Variants in ATXN2 observed in about 807,000 individuals in gnomAD.
ATXN2 encodes the protein ataxin-2.
Under a neutral mutation model 138.6 loss-of-function variants are expected in ATXN2, and 37 were observed. The observed-to-expected ratio is 0.27, with a 90% confidence interval of 0.21 to 0.35. The LOEUF (loss-of-function observed/expected upper bound fraction) is 0.35, where lower values mean the gene tolerates loss of function less well. Ranked by LOEUF, ATXN2 falls within the 10% of genes least tolerant of loss-of-function variation. The pLI is 1.00. For synonymous variants in ATXN2, 549 were observed against 543.7 expected, an observed-to-expected ratio of 1.01 and a Z score of -0.13; for missense variants, 1,216 against 1,480.3, an observed-to-expected ratio of 0.82 and a Z score of 2.93.
chr12:111,520,371 G>A (rs537002737), intron 7 of ATXN2, among the ~76,000 whole-genome samples: 34 of 152,068 alleles, frequency 2.2e-4, no homozygotes, highest in Non-Finnish European at 4.4e-4. Flanking sequence ...AGACAAAACC[G>A]GCCAGGCACA....
intron 1 of ATXN2, among the ~76,000 whole-genome samples, chr12:111,557,954 T>C (rs1882475562): frequency 6.6e-6 from 1 of 152,296 alleles, no homozygotes; most frequent in South Asian, 2.1e-4. Flanking sequence ...ATGGCCTCCC[T>C]ACAAAGCTAT....
chr12:111,565,994 T>A (rs1264418655), intron 1 of ATXN2, among the ~76,000 whole-genome samples: 11 of 135,724 alleles, frequency 8.1e-5, no homozygotes, highest in African/African-American at 2.6e-4. Context: ...AGATTCTGTC[T>A]CAAAAAAAAA....
chr12:111,560,743 C>G (rs929187642), intron 1 of ATXN2, among the ~76,000 whole-genome samples: 4 of 149,220 alleles, frequency 2.7e-5, no homozygotes, highest in African/African-American at 9.8e-5. Context: ...TTAAAATGTC[C>G]AGTTTTCAAC....
At chr12:111,541,788 T>C (rs1276581521) in intron 5 of ATXN2, among the ~76,000 whole-genome samples, 3 of 147,918 alleles carry the variant, frequency 2.0e-5, no homozygotes, top group Non-Finnish European at 4.5e-5. Flanking sequence ...TATATATATA[T>C]ATATTATAAA....
chr12:111,597,034 A>G, intron 1 of ATXN2, among the ~76,000 whole-genome samples: 1 of 151,874 alleles, frequency 6.6e-6, no homozygotes, highest in South Asian at 2.1e-4. Flanking sequence ...AAATTTTTTC[A>G]TTTTTCGCTA....
At chr12:111,538,089 C>G (rs557488835) in intron 5 of ATXN2, among the ~76,000 whole-genome samples, 2 of 151,432 alleles carry the variant, frequency 1.3e-5, no homozygotes, top group Admixed American at 1.3e-4. Flanking sequence ...AAATGAGACC[C>G]TGTCTCAAAA....
chr12:111,535,640 A>G (rs1302301618), intron 5 of ATXN2, among the ~76,000 whole-genome samples: 1 of 151,864 alleles, frequency 6.6e-6, no homozygotes, highest in Non-Finnish European at 1.5e-5. Context: ...ACAAAAAAAG[A>G]AGGCACAAAG....
Position 111,598,832 on chromosome 12 carries a change from G to T in ATXN2, c.203C>A (p.Ser68Tyr). 6.8e-7 allele frequency: 1 copy of T among 1,462,912 alleles called. No individual in the cohort carries two copies. Among genetic ancestry groups the T allele is most frequent in the East Asian group, 3.0e-5 (1 of 33,192 alleles). The allele number at this position is 1,462,912 out of a possible 1,614,324, so 90.6% of individuals were successfully genotyped here. A position where few individuals can be genotyped will look rare whatever the true frequency, so the allele number is the denominator to read the frequency against. The change falls in exon 1 of 25, where the codon TCC becomes TAC. Residue 68 changes from serine (S) to tyrosine (Y), a missense_variant. By Grantham distance (144) the Ser-to-Tyr change is moderately radical. Transcript: ENST00000673436. This position sits in a 1 kb window ranked among gnomAD's most constrained non-coding sequence, Gnocchi z 4.5. ...GCCGGAGGTCGCCGCGACCACCGAG[G>T]AGGGAGCCGTGGCCGAGGACGAGGA... Reference protein sequence around the residue: ...SVSSSSATAPSSVVAATSGGG... With the variant: ...SVSSSSATAPYSVVAATSGGG...
intron 1 of ATXN2, among the ~76,000 whole-genome samples, chr12:111,576,402 G>A (rs775833833): frequency 2.6e-5 from 4 of 152,100 alleles, no homozygotes; most frequent in South Asian, 2.1e-4. Context: ...GCCACTGCAC[G>A]CCACTGTACT....
chr12:111,539,711 T>C (rs894701634), intron 5 of ATXN2, among the ~76,000 whole-genome samples: 5 of 149,672 alleles, frequency 3.3e-5, no homozygotes, highest in African/African-American at 1.2e-4. Flanking sequence ...ATCGCGCTAC[T>C]GCACTCCAGC....
intron 21 of ATXN2, among the ~76,000 whole-genome samples, chr12:111,459,233 G>C (rs1308120751): frequency 1.3e-5 from 2 of 152,176 alleles, no homozygotes; most frequent in Non-Finnish European, 2.9e-5. Flanking sequence ...AAGCCTTCCT[G>C]AGCTTCACAG....
intron 1 of ATXN2, among the ~76,000 whole-genome samples, chr12:111,567,233 G>A (rs941296389): frequency 2.0e-5 from 3 of 152,146 alleles, no homozygotes; most frequent in Non-Finnish European, 4.4e-5. Flanking sequence ...CGGGCGTGGT[G>A]GCTCACACTT....
intron 18 of ATXN2, among the ~76,000 whole-genome samples, chr12:111,473,844 C>T (rs548761233): frequency 1.3e-4 from 19 of 151,328 alleles, no homozygotes; most frequent in Non-Finnish European, 2.5e-4. Context: ...CAGAAGTCTA[C>T]TTTAAATATC....
At chr12:111,530,671 G>A (rs576148709) in intron 5 of ATXN2, among the ~76,000 whole-genome samples, 2 of 152,212 alleles carry the variant, frequency 1.3e-5, no homozygotes, top group Non-Finnish European at 2.9e-5. Context: ...AAAGTTAGAT[G>A]GGCGTAGTGG....
chr12:111,497,564 C>G (rs866669047), intron 14 of ATXN2, among the ~76,000 whole-genome samples: 23 of 151,570 alleles, frequency 1.5e-4, no homozygotes, highest in Middle Eastern at 6.8e-3. Flanking sequence ...AAGGATGGTT[C>G]GACATACGCA....
At position 111,464,247 on chromosome 12, in the gene ATXN2, G is replaced by GGTGTGTGTGTGT. The variant is rs57717176; in HGVS notation, c.2896+403_2896+414dup. Among the ~76,000 whole-genome samples, 463 of 134,696 alleles carry GGTGTGTGTGTGT rather than the reference G, an allele frequency of 3.4e-3. 6 individuals carry two copies. The highest frequency in any genetic ancestry group is 0.012 in the African/African-American group (406 of 34,720). 88.4% of individuals were successfully genotyped at this position (134,696 alleles called of 152,430 possible). On this transcript the variant is annotated intron_variant, in intron 21 of 24. Coordinates refer to ENST00000673436, the MANE Select transcript of ATXN2 (RefSeq NM_001372574.1). ...AGTTTATACCAAGCTTGTGGCTTGGGGTGTGTGTGTGTGTGTGTGTGTGTG... is the reference window on the plus strand; with the variant it reads ...AGTTTATACCAAGCTTGTGGCTTGGGGTGTGTGTGTGTGTGTGTGTGTGTGTGTGTGTGTGTG...
In ATXN2 at chr12:111,453,465, T is replaced by C. The variant is rs537891893; in HGVS notation, c.3439+212A>G. 51 of 1,301,452 alleles carry C rather than the reference T, an allele frequency of 3.9e-5. No individual in the cohort carries two copies. The African/African-American group carries it at 6.3e-4, about 16-fold the overall frequency. 80.6% of individuals were successfully genotyped at this position (1,301,452 alleles called of 1,614,324 possible). On this transcript the variant is annotated intron_variant, in intron 24 of 24. Coordinates refer to ENST00000673436, the MANE Select transcript of ATXN2 (RefSeq NM_001372574.1). The surrounding 1 kb of genome is among the most constrained non-coding windows in gnomAD (Gnocchi z 5.4). ...TGCTGCTTCTCATCAAGCCAAATCC[T>C]GTATACCATCAGAACACACACAGAC...
rs988213437 is a variant in ATXN2 at position 111,464,346 on chromosome 12, T to G, written c.2896+316A>C. On this transcript the variant is annotated intron_variant, in intron 21 of 24. Transcript: ENST00000673436. ...TTGGGTGTGTGTGTTTGTGTGTGTGTGTGTGTGTGTGTGTGTGTGTGTGTA... is the reference window on the plus strand; with the variant it reads ...TTGGGTGTGTGTGTTTGTGTGTGTGGGTGTGTGTGTGTGTGTGTGTGTGTA... Among the ~76,000 whole-genome samples the G allele has an allele frequency of 8.6e-4, 129 of 150,292 alleles. 1 individual carries two copies. The highest frequency in any genetic ancestry group is 3.1e-3 in the African/African-American group (126 of 40,692).
At chr12:111,478,241 C>T (rs1409158070) in intron 18 of ATXN2, among the ~76,000 whole-genome samples, 1 of 151,940 alleles carries the variant, frequency 6.6e-6, no homozygotes, top group Non-Finnish European at 1.5e-5. Flanking sequence ...ACCCCACCTA[C>T]ACTAAAAATA....
Sources: gnomAD v4.1 joint callset for allele counts (sites outside exome capture counted in the v4.1 genomes callset) on GRCh38, gnomAD v4.1.1 for gene constraint, Gnocchi (gnomAD v3.1) non-coding constraint, MANE v1.5 for transcripts, NCBI Gene and HGNC (gene_info 2026-07-23, HGNC 2026-07-21) for gene names.